Variants in DENND1C observed in about 807,000 individuals in gnomAD.
DENND1C encodes the protein DENN domain-containing protein 1C.
A neutral mutation model predicts 87.9 loss-of-function variants in DENND1C; 64 were observed. The ratio of observed to expected loss-of-function variants is 0.73; its 90% CI spans 0.60 to 0.90. DENND1C has a LOEUF of 0.90. Ranked by LOEUF, DENND1C falls within the 40% of genes least tolerant of loss-of-function variation. The probability of loss-of-function intolerance (pLI) is 0.00; values close to 1 mark genes in which losing one functional copy is unlikely to be tolerated. For missense variants in DENND1C, 980 were observed against 1,037.0 expected, an observed-to-expected ratio of 0.95 and a Z score of 0.76; for synonymous variants, 384 against 424.4, an observed-to-expected ratio of 0.90 and a Z score of 1.17.
rs746951264 is a variant in DENND1C, at chr19:6,475,881, G to C, written c.735C>G (p.His245Gln). Residue 245 changes from histidine to glutamine, a missense_variant, in exon 11 of 23, where the codon CAC becomes CAG. His to Gln is a conservative substitution (Grantham distance 24). Coordinates refer to ENST00000381480, the MANE Select transcript of DENND1C (RefSeq NM_024898.4). The part of the protein sequence containing the change: ...CALLYPMRWE[H>Q]VLIPTLPPHL... ...GTGGGGGCAGCGTGGGGATCAGCACGTGCTCCCAGCGCATGGGGTACAGGA... is the reference window on the plus strand; with the variant it reads ...GTGGGGGCAGCGTGGGGATCAGCACCTGCTCCCAGCGCATGGGGTACAGGA... 1 of 1,562,538 alleles carries C rather than the reference G, an allele frequency of 6.4e-7. No homozygotes were observed. The highest frequency in any genetic ancestry group is 2.0e-5 in the Admixed American group (1 of 48,850).
At position 6,473,195 on chromosome 19, in the gene DENND1C, G is replaced by A. The variant is rs575259541; in HGVS notation, c.1054-202C>T. Among the ~76,000 whole-genome samples the A allele has an allele frequency of 5.9e-5, 9 of 152,160 alleles. 1 individual carries two copies. Among genetic ancestry groups the A allele is most frequent in the Admixed American group, 3.9e-4 (6 of 15,278 alleles). ...TTTTGAGACGGAGTCTCGCTCTGTC[G>A]CCAGGCTGGAATGCAGTGGCGTGAT... On this transcript the variant is annotated intron_variant, in intron 14 of 22. Transcript: ENST00000381480.
chr19:6,473,973 T>A (rs1437273692), intron 14 of DENND1C, among the ~76,000 whole-genome samples: 1 of 152,010 alleles, frequency 6.6e-6, no homozygotes, highest in Non-Finnish European at 1.5e-5. Context: ...GATGGATGGA[T>A]CACCTGAGGT....
At chr19:6,476,769 G>T in intron 10 of DENND1C, 88 bp downstream of exon 10, 1 of 1,355,590 alleles carries the variant, frequency 7.4e-7, no homozygotes, top group South Asian at 1.4e-5. Context: ...GCGCAGTAGG[G>T]TTAGAGCCAG....
intron 21 of DENND1C, 22 bp downstream of exon 21, chr19:6,468,556 T>G (rs2092809440): frequency 4.5e-6 from 7 of 1,552,032 alleles, no homozygotes; most frequent in Non-Finnish European, 6.1e-6. Context: ...CTTTCAACAC[T>G]GCTGTTCCCT....
In DENND1C at chr19:6,478,688, C is replaced by T. The variant is rs904113154; in HGVS notation, c.366+95G>A. Reference sequence around the variant, plus strand: ...GACTACAGGTGTGACACAGTGTGCCCTGCCAAGCCTGGGAGATCTGAGAGG... The same window carrying T: ...GACTACAGGTGTGACACAGTGTGCCTTGCCAAGCCTGGGAGATCTGAGAGG... On this transcript the variant is annotated intron_variant, in intron 6 of 22. Coordinates refer to ENST00000381480, the MANE Select transcript of DENND1C (RefSeq NM_024898.4). The T allele has an allele frequency of 2.2e-5, 31 of 1,422,042 alleles. No individual in the cohort carries two copies. In the Middle Eastern group the frequency reaches 6.6e-4, roughly 30 times the overall value. 88.1% of individuals were successfully genotyped at this position (1,422,042 alleles called of 1,614,324 possible).
intron 14 of DENND1C, among the ~76,000 whole-genome samples, chr19:6,474,279 TA>T (rs1338025682): frequency 2.0e-5 from 3 of 151,882 alleles, no homozygotes; most frequent in African/African-American, 7.3e-5. Flanking sequence ...GCATTAATTT[TA>T]GGCAAACAAT....
chr19:6,470,188 A>T, intron 18 of DENND1C, 107 bp downstream of exon 18: 1 of 1,099,058 alleles, frequency 9.1e-7, no homozygotes, highest in Non-Finnish European at 1.3e-6. Flanking sequence ...ATTTGTGTTT[A>T]AAGTGTCTGC....
rs776668010 is a variant in DENND1C at position 6,468,123 on chromosome 19, G to A, written c.1792-5C>T. 7.9e-5 allele frequency: 127 copies of A among 1,612,690 alleles called. No homozygotes were observed. Among genetic ancestry groups the A allele is most frequent in the Non-Finnish European group, 1.0e-4 (122 of 1,179,232 alleles). On this transcript the variant is annotated splice_region_variant and splice_polypyrimidine_tract_variant and intron_variant, in intron 22 of 22. Coordinates refer to ENST00000381480, the MANE Select transcript of DENND1C (RefSeq NM_024898.4). ...TTGCCATCTTGGTATGTTGGGCTAG[G>A]TGAGATGGATAGGGAAGTTGTGGCT...
chr19:6,472,472 C>T (rs1400698544), intron 15 of DENND1C, among the ~76,000 whole-genome samples: 2 of 152,158 alleles, frequency 1.3e-5, no homozygotes, highest in Admixed American at 6.5e-5. Flanking sequence ...CTCACTGCAA[C>T]GTCTGCCTCC....
At chr19:6,472,492 A>G (rs1218300826) in intron 15 of DENND1C, among the ~76,000 whole-genome samples, 1 of 151,876 alleles carries the variant, frequency 6.6e-6, no homozygotes, top group Non-Finnish European at 1.5e-5. Flanking sequence ...CCGGGTTCAA[A>G]CGATTCTCCT....
intron 20 of DENND1C, 89 bp downstream of exon 20, chr19:6,468,757 A>C: frequency 7.2e-7 from 1 of 1,383,356 alleles, no homozygotes; most frequent in Non-Finnish European, 9.6e-7. Flanking sequence ...GAGTTGAAGA[A>C]GGAGGTGAGA....
intron 1 of DENND1C, among the ~76,000 whole-genome samples, chr19:6,481,115 C>T (rs1913535230): frequency 6.6e-6 from 1 of 151,720 alleles, no homozygotes; most frequent in South Asian, 2.1e-4. Context: ...TACCTAGGTA[C>T]TTACTGTAAG....
chr19:6,479,265 A>G (rs575197159), intron 4 of DENND1C, among the ~76,000 whole-genome samples: 119 of 140,386 alleles, frequency 8.5e-4, no homozygotes, highest in African/African-American at 3.6e-3. Context: ...GGGTCCCTGG[A>G]TCTCTGGGTT....
intron 10 of DENND1C, chr19:6,476,267 G>A: frequency 3.1e-6 from 1 of 323,130 alleles, no homozygotes; most frequent in Non-Finnish European, 5.7e-6. Context: ...GTGGAGCTAT[G>A]ACGTAGACCG....
In DENND1C at chr19:6,475,953, G is replaced by A. The variant is rs959551685; in HGVS notation, c.679-16C>T. The A allele has an allele frequency of 9.1e-6, 14 of 1,543,016 alleles. No homozygotes were observed. The highest frequency in any genetic ancestry group is 1.4e-5 in the African/African-American group (1 of 72,692). On this transcript the variant is annotated splice_polypyrimidine_tract_variant and intron_variant, in intron 10 of 22. Coordinates refer to ENST00000381480, the MANE Select transcript of DENND1C (RefSeq NM_024898.4). ...ACGAGGTCAGCTGGGGAGCGATGGC[G>A]GGGCGTGGAGTCAGGGCCTGGACCC...
At position 6,476,872 on chromosome 19, in the gene DENND1C, G is replaced by A; in HGVS notation, c.663C>T (p.Ala221=). ...CCCGCCTCACGGTGCTGAGTTTGCT[G>A]GCGGTGAGCAGGACTCTTCTCTCGG... ...LLAERRVLLT[A]SKLSTLTSCV... is the part of the protein sequence containing the mutation. The change falls in exon 10 of 23, where the codon GCC becomes GCT. Residue 221 remains alanine (A), a synonymous_variant. Transcript: ENST00000381480. 1 of 1,612,386 alleles carries A rather than the reference G, an allele frequency of 6.2e-7. No individual in the cohort carries two copies. Among genetic ancestry groups the A allele is most frequent in the South Asian group, 1.1e-5 (1 of 91,068 alleles).
In DENND1C at chr19:6,477,360, G is replaced by T. The variant is rs779458758; in HGVS notation, c.447+18C>A. The T allele has an allele frequency of 6.2e-7, 1 of 1,613,130 alleles. No homozygotes were observed. Among genetic ancestry groups the T allele is most frequent in the South Asian group, 1.1e-5 (1 of 91,058 alleles). On this transcript the variant is annotated intron_variant, in intron 7 of 22. Transcript: ENST00000381480. Reference sequence around the variant, plus strand: ...CATCCACCTAAGGTCCAGCGCCCAGGGAATGGGAGCTACTCACCAGCTCAA... The same window carrying T: ...CATCCACCTAAGGTCCAGCGCCCAGTGAATGGGAGCTACTCACCAGCTCAA...
In DENND1C at chr19:6,467,578, T is replaced by C. The variant is rs73920676; in HGVS notation, c.2332A>G (p.Thr778Ala). 1.2e-6 allele frequency: 2 copies of C among 1,605,582 alleles called. No homozygotes were observed. Among genetic ancestry groups the C allele is most frequent in the Non-Finnish European group, 1.7e-6 (2 of 1,177,076 alleles). The change falls in exon 23 of 23, where the codon ACC becomes GCC. Residue 778 changes from threonine (T) to alanine (A), a missense_variant. Transcript: ENST00000381480. Reference sequence around the variant, plus strand: ...GGCTGGGACTTTTGACAGTTGCTGGTGGGTGTAGCAGGGGAATTCAGGGCT... The same window carrying C: ...GGCTGGGACTTTTGACAGTTGCTGGCGGGTGTAGCAGGGGAATTCAGGGCT... ...PGALNSPATP[T>A]SNCQKSQPSS...
At chr19:6,471,373 G>A in intron 16 of DENND1C, 33 bp downstream of exon 16, 1 of 1,584,788 alleles carries the variant, frequency 6.3e-7, no homozygotes. Flanking sequence ...GTGGCGGGTA[G>A]TGGGGGACCC....
Sources: allele counts gnomAD v4.1 joint callset (sites outside exome capture counted in the v4.1 genomes callset), GRCh38; gene constraint gnomAD v4.1.1; transcripts MANE v1.5; gene names NCBI Gene and HGNC (gene_info 2026-07-23, HGNC 2026-07-21).